RELB: variants seen among roughly 807,000 people sequenced by gnomAD.
RELB encodes the protein RELB proto-oncogene, NF-kB subunit.
Under a neutral mutation model 55.4 loss-of-function variants are expected in RELB, and 14 were observed. The ratio of observed to expected loss-of-function variants is 0.25; its 90% CI spans 0.17 to 0.40. The LOEUF (loss-of-function observed/expected upper bound fraction) is 0.40, where lower values mean the gene tolerates loss of function less well. RELB is among the 10% of genes least tolerant of loss of function. The probability of loss-of-function intolerance (pLI) is 1.00; values close to 1 mark genes in which losing one functional copy is unlikely to be tolerated. For synonymous variants in RELB, 409 were observed against 371.3 expected (o/e 1.10, Z -1.17); for missense variants, 669 against 830.7 (o/e 0.81, Z 2.39).
intron 2 of RELB, among the ~76,000 whole-genome samples, chr19:45,004,721 G>T (rs1971262126): frequency 6.6e-6 from 1 of 151,854 alleles, no homozygotes; most frequent in African/African-American, 2.4e-5. Context: ...TACAAAATTA[G>T]CTGGGCGTGG....
Position 45,012,077 on chromosome 19 carries a change from C to T in RELB, c.305C>T (p.Ala102Val). The T allele has an allele frequency of 1.3e-6, 2 of 1,549,198 alleles. No individual in the cohort carries two copies. The highest frequency in any genetic ancestry group is 1.2e-5 in the South Asian group (1 of 84,050). ...ACCCTGGGCCCTGTGGCGCCCCCAG[C>T]CACGCCGCCGCCTTGGGGCTGCCCC... Reference protein sequence around the residue: ...TVTLGPVAPPATPPPWGCPLG... With the variant: ...TVTLGPVAPPVTPPPWGCPLG... Residue 102 changes from alanine to valine, a missense_variant, in exon 4 of 12, where the codon GCC becomes GTC. By Grantham distance (64) the Ala-to-Val change is moderately conservative. Transcript: ENST00000221452.
chr19:45,004,499 C>G (rs1214214010), intron 2 of RELB, among the ~76,000 whole-genome samples: 3 of 150,558 alleles, frequency 2.0e-5, no homozygotes, highest in East Asian at 4.1e-4. Context: ...GCTGGGATTA[C>G]AGGCGCGAGC....
intron 9 of RELB, 60 bp downstream of exon 9, chr19:45,032,809 A>G: frequency 7.0e-7 from 1 of 1,421,342 alleles, no homozygotes; most frequent in Non-Finnish European, 9.7e-7. Flanking sequence ...GGCCTTGGGG[A>G]GACCCCAGTG....
chr19:45,025,983 G>A (rs939921607), intron 7 of RELB, among the ~76,000 whole-genome samples: 9 of 151,938 alleles, frequency 5.9e-5, no homozygotes, highest in African/African-American at 1.7e-4. Flanking sequence ...GGCTCATGCC[G>A]GTAATCCCAG....
chr19:45,003,526 T>C lies in RELB; in HGVS notation c.154+530T>C, dbSNP rs747523150. On this transcript the variant is annotated intron_variant, in intron 2 of 11. Coordinates refer to ENST00000221452, the MANE Select transcript of RELB (RefSeq NM_006509.4). ...CGTGACAGGTAAATCTTACCACCTA[T>C]CCATGCGCAAAGGCTTCTTTAGAGA... is the stretch of plus-strand genomic sequence containing the variant. 5.9e-6 allele frequency: 3 copies of C among 504,430 alleles called. No individual in the cohort carries two copies. In the Admixed American group the frequency reaches 6.0e-5, roughly 10 times the overall value. The allele number at this position is 504,430 out of a possible 1,614,324, so 31.2% of individuals were successfully genotyped here. A position where few individuals can be genotyped will look rare whatever the true frequency, so the allele number is the denominator to read the frequency against.
At chr19:45,003,791 G>A (rs1971244829) in intron 2 of RELB, among the ~76,000 whole-genome samples, 1 of 151,470 alleles carries the variant, frequency 6.6e-6, no homozygotes, top group African/African-American at 2.4e-5. Flanking sequence ...ACACAGTAAG[G>A]GTTCAGTAAG....
chr19:45,028,747 T>C (rs1012968917), intron 7 of RELB, 141 bp from the exon 8 acceptor site: 12 of 630,778 alleles, frequency 1.9e-5, no homozygotes, highest in South Asian at 7.6e-5. Flanking sequence ...ATGGGTTCCA[T>C]GAGGATCAGA....
At chr19:45,003,297 C>A (rs1971237417) in intron 2 of RELB, among the ~76,000 whole-genome samples, 1 of 151,820 alleles carries the variant, frequency 6.6e-6, no homozygotes, top group Admixed American at 6.6e-5. Flanking sequence ...CGGTGAAACC[C>A]CGTCTCTACT....
At chr19:45,036,571 C>G (rs1157935258) in intron 11 of RELB, among the ~76,000 whole-genome samples, 1 of 152,150 alleles carries the variant, frequency 6.6e-6, no homozygotes, top group Non-Finnish European at 1.5e-5. Context: ...CTTCTCCTTT[C>G]TCACTCTCAG....
At chr19:45,026,216 T>C (rs992696658) in intron 7 of RELB, among the ~76,000 whole-genome samples, 7 of 151,888 alleles carry the variant, frequency 4.6e-5, no homozygotes, top group African/African-American at 1.7e-4. Flanking sequence ...CGCTCCAGCC[T>C]GTGCAACAGA....
intron 1 of RELB, among the ~76,000 whole-genome samples, chr19:45,002,622 G>C (rs1971228068): frequency 6.6e-6 from 1 of 152,158 alleles, no homozygotes; most frequent in African/African-American, 2.4e-5. Flanking sequence ...CAAAGTGCTG[G>C]GATTACAGGT....
At chr19:45,027,139 A>G (rs1028672833) in intron 7 of RELB, among the ~76,000 whole-genome samples, 1 of 151,428 alleles carries the variant, frequency 6.6e-6, no homozygotes, top group Non-Finnish European at 1.5e-5. Context: ...AGGCTGAGGC[A>G]GGAGAATGGC....
intron 4 of RELB, among the ~76,000 whole-genome samples, chr19:45,015,116 T>C (rs1484200459): frequency 6.6e-6 from 1 of 151,914 alleles, no homozygotes; most frequent in Non-Finnish European, 1.5e-5. Context: ...TTGGCCAGGC[T>C]GATGTCAAAC....
chr19:45,037,240 T>C (rs1971698163), intron 11 of RELB, among the ~76,000 whole-genome samples, 165 bp from the exon 12 acceptor site: 1 of 148,730 alleles, frequency 6.7e-6, no homozygotes, highest in Non-Finnish European at 1.5e-5. Flanking sequence ...CAAGAGCACG[T>C]CATTGCACTC....
At chr19:45,028,839 A>G (rs1473384412) in intron 7 of RELB, 49 bp from the exon 8 acceptor site, 3 of 1,493,714 alleles carry the variant, frequency 2.0e-6, no homozygotes, top group Admixed American at 3.9e-5. Flanking sequence ...TTGGTGACTG[A>G]ATTCTCGGGA....
Position 45,009,956 on chromosome 19 carries a change from T to G in RELB, c.163+134T>G, listed in dbSNP as rs562207879. On this transcript the variant is annotated intron_variant, in intron 3 of 11. Coordinates refer to ENST00000221452, the MANE Select transcript of RELB (RefSeq NM_006509.4). ...TGACTTCCAGGACTGTGGAGGGATT[T>G]GAACGAAGTCATGCTCCTAAGGTAC... 1.5e-5 allele frequency: 14 copies of G among 920,826 alleles called. No individual in the cohort carries two copies. In the African/African-American group the frequency reaches 2.2e-4, roughly 14 times the overall value. The allele number at this position is 920,826 out of a possible 1,614,324, so 57.0% of individuals were successfully genotyped here.
intron 9 of RELB, 82 bp from the exon 10 acceptor site, chr19:45,034,162 A>G (rs1971658834): frequency 4.2e-6 from 1 of 235,748 alleles, no homozygotes; most frequent in Non-Finnish European, 6.8e-6. Flanking sequence ...GTCTCTAAAA[A>G]TAAATAAATA....
chr19:45,034,228 G>C lies in RELB; in HGVS notation c.1208-16G>C, dbSNP rs1971659680. 6.2e-7 allele frequency: 1 copy of C among 1,601,146 alleles called. No homozygotes were observed. Among genetic ancestry groups the C allele is most frequent in the Non-Finnish European group, 8.6e-7 (1 of 1,168,526 alleles). ...GATGAATTACTTCTTGTGTGTCCCT[G>C]GTATCTCCTTAACAGACAGCTACGG... On this transcript the variant is annotated splice_polypyrimidine_tract_variant and intron_variant, in intron 9 of 11. Transcript: ENST00000221452.
intron 2 of RELB, among the ~76,000 whole-genome samples, chr19:45,003,336 G>A (rs943134998): frequency 6.6e-6 from 1 of 151,920 alleles, no homozygotes; most frequent in Non-Finnish European, 1.5e-5. Context: ...TTAGCCGGGC[G>A]TGGTGGCGGG....
Sources: allele counts gnomAD v4.1 joint callset (sites outside exome capture counted in the v4.1 genomes callset), GRCh38; gene constraint gnomAD v4.1.1; transcripts MANE v1.5; gene names NCBI Gene and HGNC (gene_info 2026-07-23, HGNC 2026-07-21).